The following CARMIL3 variants were observed in gnomAD, a reference collection of about 807,000 sequenced individuals.
CARMIL3 encodes capping protein regulator and myosin 1 linker 3, also known as capping protein, Arp2/3 and myosin-I linker protein 3.
A neutral mutation model predicts 180.8 loss-of-function variants in CARMIL3; 88 were observed. The ratio of observed to expected loss-of-function variants is 0.49; its 90% CI spans 0.41 to 0.58. The LOEUF (loss-of-function observed/expected upper bound fraction) is 0.58, where lower values mean the gene tolerates loss of function less well. Ranked by LOEUF, CARMIL3 falls within the 20% of genes least tolerant of loss-of-function variation. CARMIL3 has a pLI of 0.00. For synonymous variants in CARMIL3, 696 were observed against 714.5 expected (o/e 0.97, Z 0.41); for missense variants, 1,548 against 1,787.0 (o/e 0.87, Z 2.41).
In CARMIL3 at chr14:24,061,290, C is replaced by T; in HGVS notation, c.2305-207C>T. 1.6e-6 allele frequency: 1 copy of T among 635,962 alleles called. No homozygotes were observed. Among genetic ancestry groups the T allele is most frequent in the Non-Finnish European group, 2.7e-6 (1 of 370,160 alleles). The allele number at this position is 635,962 out of a possible 1,614,324, so 39.4% of individuals were successfully genotyped here. On this transcript the variant is annotated intron_variant, in intron 26 of 39. Transcript: ENST00000342740. The surrounding 1 kb of genome is among the most constrained non-coding windows in gnomAD (Gnocchi z 4.1). ...GGATTTGGATCCTTGGACTGACTGC[C>T]CCTGTCTGTATGGTAGGGTGGAAGG...
intron 24 of CARMIL3, 132 bp downstream of exon 24, chr14:24,060,387 AGC>A: frequency 8.7e-7 from 1 of 1,151,810 alleles, no homozygotes; most frequent in Admixed American, 2.1e-5. Flanking sequence ...CATGTGGGGA[AGC>A]AAAAAGAGAG....
rs1320800583 is a variant in CARMIL3, at chr14:24,054,802, G to A, written c.454G>A (p.Val152Ile). 3.1e-6 allele frequency: 5 copies of A among 1,613,754 alleles called. No homozygotes were observed. The highest frequency in any genetic ancestry group is 4.2e-6 in the Non-Finnish European group (5 of 1,179,842). ...SETSTSTTHS[V>I]CGGFSETYAA... The stretch of plus-strand genomic sequence containing the variant: ...GACTTCCACATCTACCACCCACAGT[G>A]TCTGCGGTGAGCAGGGGCAGATGTG... Residue 152 changes from valine to isoleucine, a missense_variant, in exon 6 of 40, where the codon GTC (valine) becomes ATC (isoleucine). Coordinates refer to ENST00000342740, the MANE Select transcript of CARMIL3 (RefSeq NM_138360.4). This position sits in a 1 kb window ranked among gnomAD's most constrained non-coding sequence, Gnocchi z 5.1.
At chr14:24,063,599 C>G (rs2035755772) in intron 31 of CARMIL3, 66 bp downstream of exon 31, 2 of 1,468,272 alleles carry the variant, frequency 1.4e-6, no homozygotes, top group African/African-American at 2.8e-5. Flanking sequence ...GGAGTTTTAC[C>G]TTTAGGACCC....
intron 8 of CARMIL3, 41 bp downstream of exon 8, chr14:24,055,351 A>T: frequency 1.2e-6 from 2 of 1,607,610 alleles, no homozygotes; most frequent in South Asian, 2.2e-5. Flanking sequence ...AAATTCCCAA[A>T]TTCAGCCCAA....
rs1029573058 is a variant in CARMIL3, at chr14:24,058,527, G to A, written c.1393-153G>A. Among the ~76,000 whole-genome samples, 2 of 152,194 alleles carry A rather than the reference G, an allele frequency of 1.3e-5. No homozygotes were observed. Among genetic ancestry groups the A allele is most frequent in the Non-Finnish European group, 2.9e-5 (2 of 68,030 alleles). On this transcript the variant is annotated intron_variant, in intron 17 of 39. Coordinates refer to ENST00000342740, the MANE Select transcript of CARMIL3 (RefSeq NM_138360.4). This position sits in a 1 kb window ranked among gnomAD's most constrained non-coding sequence, Gnocchi z 6.4. ...CCGAAGGGAGGGAAGCCAGCTCTAG[G>A]GAAGGATCTGGTGTGGGGAAAGAGT...
intron 12 of CARMIL3, 75 bp from the exon 13 acceptor site, chr14:24,056,840 A>AGAGGGGAAGAGTTATGTGCT: frequency 6.5e-7 from 1 of 1,543,100 alleles, no homozygotes; most frequent in Non-Finnish European, 8.9e-7. Context: ...ACGTTTGGGG[A>AGAGGGGAAGAGTTATGTGCT]GAGGGGAAGA....
In CARMIL3 at chr14:24,054,105, C is replaced by T. The variant is rs779403588; in HGVS notation, c.153C>T (p.Arg51=). The change falls in exon 3 of 40, where the codon CGC becomes CGT. Residue 51 remains arginine, a synonymous_variant. Transcript: ENST00000342740. This position sits in a 1 kb window ranked among gnomAD's most constrained non-coding sequence, Gnocchi z 5.1. The part of the protein sequence containing the change: ...EDRVLALTSW[R]LHLFLLKVPA... ...CTCTGTAGGCCCTGACCTCCTGGCG[C>T]CTCCACCTCTTCCTCCTTAAAGTCC... 2 of 1,613,992 alleles carry T rather than the reference C, an allele frequency of 1.2e-6. No individual in the cohort carries two copies. The highest frequency in any genetic ancestry group is 2.2e-5 in the East Asian group (1 of 44,878).
intron 38 of CARMIL3, 78 bp from the exon 39 acceptor site, chr14:24,069,059 A>G (rs1412564160): frequency 2.5e-6 from 4 of 1,594,714 alleles, no homozygotes; most frequent in Non-Finnish European, 3.4e-6. Context: ...ATGAGTGACA[A>G]CCAGGAGTCA....
In CARMIL3 at chr14:24,058,005, C is replaced by T. The variant is rs774070478; in HGVS notation, c.1263C>T (p.Ser421=). 1.5e-5 allele frequency: 25 copies of T among 1,613,644 alleles called. No homozygotes were observed. The East Asian group carries it at 1.8e-4, about 12-fold the overall frequency. ...CGGCCTTCAAGCAGTTCTTCAGCAGCGCCTACACACTGAGCCACGTCAATC... is the reference window on the plus strand; with the variant it reads ...CGGCCTTCAAGCAGTTCTTCAGCAGTGCCTACACACTGAGCCACGTCAATC... ...APPAFKQFFS[S]AYTLSHVNLS... is the part of the protein sequence containing the mutation. The change falls in exon 16 of 40, where the codon AGC becomes AGT. Residue 421 remains serine (S), a synonymous_variant. Transcript: ENST00000342740. This position sits in a 1 kb window ranked among gnomAD's most constrained non-coding sequence, Gnocchi z 6.4.
chr14:24,063,912 G>T (rs1253314360), intron 31 of CARMIL3, among the ~76,000 whole-genome samples: 1 of 151,800 alleles, frequency 6.6e-6, no homozygotes, highest in East Asian at 1.9e-4. Context: ...TGGCCAAGAT[G>T]GTGAAACCCC....
chr14:24,069,154 C>A lies in CARMIL3; in HGVS notation c.4000C>A (p.Arg1334=). The change falls in exon 39 of 40, where the codon CGG becomes AGG. Residue 1334 remains arginine (R), a synonymous_variant. Transcript: ENST00000342740. ...TATTTCAGGGCCCCCTGATCCAGGC[C>A]GGCGGACTGCCCCCCTGAAGCCCAA... ...PEVQGPPDPG[R]RTAPLKPKRT... The A allele has an allele frequency of 6.2e-7, 1 of 1,613,994 alleles. No homozygotes were observed. Among genetic ancestry groups the A allele is most frequent in the Non-Finnish European group, 8.5e-7 (1 of 1,179,974 alleles).
Position 24,054,293 on chromosome 14 carries a change from C to A in CARMIL3, c.238C>A (p.Gln80Lys). The change falls in exon 4 of 40, where the codon CAG becomes AAG. Residue 80 changes from glutamine (Q) to lysine (K), a missense_variant. Gln to Lys is a moderately conservative substitution (Grantham distance 53). Transcript: ENST00000342740. This position sits in a 1 kb window ranked among gnomAD's most constrained non-coding sequence, Gnocchi z 5.1. ...LEIRAFNTLS[Q>K]NQILVETERG... ...GATCCGTGCCTTCAACACGCTCAGT[C>A]AGAATCAGGTGAGTACCAGGGCTTT... 6.2e-7 allele frequency: 1 copy of A among 1,614,178 alleles called. No individual in the cohort carries two copies. The highest frequency in any genetic ancestry group is 1.1e-5 in the South Asian group (1 of 91,064).
chr14:24,065,583 C>A (rs559713547), intron 33 of CARMIL3, 39 bp from the exon 34 acceptor site: 1 of 1,570,078 alleles, frequency 6.4e-7, no homozygotes, highest in South Asian at 1.2e-5. Flanking sequence ...GAGCCCCCTT[C>A]GACTGGGAAC....
In CARMIL3 at chr14:24,063,437, A is replaced by C. The variant is rs2035753451; in HGVS notation, c.2883A>C (p.Leu961=). Residue 961 remains leucine (L), a synonymous_variant, in exon 31 of 40, where the codon CTA becomes CTC. Transcript: ENST00000342740. The part of the protein sequence containing the change: ...QPTASGSWEG[L]SELPTHGYKL... ...CAGCTAGTGGCTCCTGGGAAGGTCT[A>C]TCTGAGCTGCCCACTCATGGTTACA... The C allele has an allele frequency of 2.5e-6, 4 of 1,613,932 alleles. No homozygotes were observed. Among genetic ancestry groups the C allele is most frequent in the Non-Finnish European group, 3.4e-6 (4 of 1,180,000 alleles).
intron 10 of CARMIL3, 55 bp downstream of exon 10, chr14:24,055,844 C>T: frequency 1.3e-6 from 2 of 1,491,092 alleles, no homozygotes; most frequent in Admixed American, 1.7e-5. Flanking sequence ...GTTTTAGGGT[C>T]CCAGAACCTC....
In CARMIL3 at chr14:24,064,964, C is replaced by T; in HGVS notation, c.3087C>T (p.Pro1029=). 3 of 1,611,494 alleles carry T rather than the reference C, an allele frequency of 1.9e-6. No homozygotes were observed. The highest frequency in any genetic ancestry group is 2.5e-6 in the Non-Finnish European group (3 of 1,179,368). Residue 1029 remains proline (P), a synonymous_variant, in exon 33 of 40, where the codon CCC becomes CCT. Coordinates refer to ENST00000342740, the MANE Select transcript of CARMIL3 (RefSeq NM_138360.4). ...RRVLEESSSY[P]RTLRTVRPGL... Reference sequence around the variant, plus strand: ...TTACCCCGATTCTCCCCAGCTACCCCCGGACTCTGAGGACCGTGCGGCCAG... The same window carrying T: ...TTACCCCGATTCTCCCCAGCTACCCTCGGACTCTGAGGACCGTGCGGCCAG...
At chr14:24,053,194 A>G (rs1035061541) in intron 1 of CARMIL3, among the ~76,000 whole-genome samples, 1 of 151,990 alleles carries the variant, frequency 6.6e-6, no homozygotes, top group African/African-American at 2.4e-5. Flanking sequence ...CTTCCACAGC[A>G]TACTCATTCA....
At chr14:24,057,706 G>A (rs762692080) in intron 14 of CARMIL3, 97 bp from the exon 15 acceptor site, 5 of 1,032,294 alleles carry the variant, frequency 4.8e-6, no homozygotes, top group Non-Finnish European at 5.7e-6. Context: ...AGAGAATGAA[G>A]AGCCAGGAAC....
rs745462156 is a variant in CARMIL3, at chr14:24,069,447, C to T, written c.*43C>T. The T allele has an allele frequency of 2.5e-6, 4 of 1,613,522 alleles. No individual in the cohort carries two copies. The African/African-American group carries it at 5.3e-5, about 22-fold the overall frequency. On this transcript the variant is annotated 3_prime_UTR_variant, in exon 40 of 40. Coordinates refer to ENST00000342740, the MANE Select transcript of CARMIL3 (RefSeq NM_138360.4). Reference sequence around the variant, plus strand: ...TCCTCAGCCCTCGACATGTGCCTCGCAAGGACTCAGACCCCTATCCACCCC... The same window carrying T: ...TCCTCAGCCCTCGACATGTGCCTCGTAAGGACTCAGACCCCTATCCACCCC...
Sources: allele counts gnomAD v4.1 joint callset (sites outside exome capture counted in the v4.1 genomes callset), GRCh38; gene constraint gnomAD v4.1.1; non-coding constraint Gnocchi (gnomAD v3.1); transcripts MANE v1.5; gene names NCBI Gene and HGNC (gene_info 2026-07-23, HGNC 2026-07-21).